The following SGCZ variants were observed in gnomAD, a reference collection of about 807,000 sequenced individuals.
SGCZ encodes the protein sarcoglycan zeta.
A neutral mutation model predicts 41.3 loss-of-function variants in SGCZ; 40 were observed. That is an observed-to-expected ratio of 0.97 (90% confidence interval 0.75 to 1.26). SGCZ has a LOEUF of 1.26. SGCZ is among the 50% of genes most tolerant of loss of function. The pLI is 0.00. For missense variants in SGCZ, 552 were observed against 369.8 expected (o/e 1.49, Z -4.04); for synonymous variants, 206 against 137.5 (o/e 1.50, Z -3.49).
chr8:14,611,548 C>T (rs1475632951), intron 1 of SGCZ, among the ~76,000 whole-genome samples: 1 of 152,054 alleles, frequency 6.6e-6, no homozygotes, highest in East Asian at 1.9e-4. Context: ...GAAGAGTCCT[C>T]CAGTAATTTA....
intron 1 of SGCZ, among the ~76,000 whole-genome samples, chr8:14,820,538 A>G (rs1457991838): frequency 2.0e-5 from 3 of 152,096 alleles, no homozygotes; most frequent in African/African-American, 7.2e-5. Context: ...GCTACAGAGC[A>G]CACATTCTTC....
intron 1 of SGCZ, among the ~76,000 whole-genome samples, chr8:14,670,205 G>A (rs185938186): frequency 4.7e-4 from 71 of 152,228 alleles, no homozygotes; most frequent in African/African-American, 1.7e-3. Flanking sequence ...GTAAGATTAT[G>A]TTTCCAAATA....
intron 1 of SGCZ, among the ~76,000 whole-genome samples, chr8:14,680,275 A>G (rs1254570167): frequency 2.6e-5 from 4 of 152,176 alleles, no homozygotes; most frequent in East Asian, 1.9e-4. Context: ...ATAATGGTGT[A>G]TACGTGTCAT....
intron 1 of SGCZ, among the ~76,000 whole-genome samples, chr8:14,953,640 C>G (rs772310394): frequency 7.1e-6 from 1 of 140,384 alleles, no homozygotes; most frequent in Admixed American, 7.1e-5. Context: ...GTTCATTTCA[C>G]CACTTACTCA....
intron 1 of SGCZ, among the ~76,000 whole-genome samples, chr8:14,683,645 A>G (rs923434947): frequency 5.3e-5 from 8 of 152,158 alleles, no homozygotes; most frequent in African/African-American, 1.9e-4. Flanking sequence ...TTCAACTTGG[A>G]AATTAATTTT....
intron 2 of SGCZ, among the ~76,000 whole-genome samples, chr8:14,470,138 G>C (rs1055266461): frequency 1.3e-5 from 2 of 152,052 alleles, no homozygotes; most frequent in Non-Finnish European, 2.9e-5. Flanking sequence ...GACAGCATCA[G>C]AACTGAATTA....
chr8:14,183,376 A>G (rs1256908093), intron 4 of SGCZ, among the ~76,000 whole-genome samples: 1 of 152,158 alleles, frequency 6.6e-6, no homozygotes, highest in Admixed American at 6.5e-5. Context: ...CAGAATAAAA[A>G]TGGGAAACAC....
intron 1 of SGCZ, among the ~76,000 whole-genome samples, chr8:15,029,800 A>C (rs1035115218): frequency 6.6e-6 from 1 of 152,150 alleles, no homozygotes; most frequent in Non-Finnish European, 1.5e-5. Context: ...AATCTATTTC[A>C]ACACAGCAAA....
Position 14,124,419 on chromosome 8 carries a change from T to G in SGCZ, c.548-16184A>C, listed in dbSNP as rs567401429. On this transcript the variant is annotated intron_variant, in intron 5 of 7. Transcript: ENST00000382080. ...AAGACCCCAAAGATGAAATTAGGAA[T>G]AAAATTTATTTTTATATACTCCAGC... is the stretch of plus-strand genomic sequence containing the variant. Among the ~76,000 whole-genome samples the G allele has an allele frequency of 2.0e-5, 3 of 152,302 alleles. No individual in the cohort carries two copies. The South Asian group carries it at 6.2e-4, about 32-fold the overall frequency.
intron 1 of SGCZ, among the ~76,000 whole-genome samples, chr8:14,797,588 C>G (rs1210273190): frequency 6.6e-6 from 1 of 152,200 alleles, no homozygotes; most frequent in Non-Finnish European, 1.5e-5. Context: ...AAACTATTTT[C>G]TGGGAGAGAA....
chr8:14,500,140 A>G (rs1276721523), intron 2 of SGCZ, among the ~76,000 whole-genome samples: 1 of 152,098 alleles, frequency 6.6e-6, no homozygotes, highest in Non-Finnish European at 1.5e-5. Flanking sequence ...GCTGGGTAAA[A>G]CTGCTTGAAT....
intron 1 of SGCZ, among the ~76,000 whole-genome samples, chr8:14,570,004 C>T (rs1335880087): frequency 2.0e-5 from 3 of 151,532 alleles, no homozygotes; most frequent in Admixed American, 1.3e-4. Context: ...AATAACATAG[C>T]AACCCTCCAT....
At chr8:14,269,121 TTTTA>T (rs1410118477) in intron 3 of SGCZ, among the ~76,000 whole-genome samples, 52 of 152,122 alleles carry the variant, frequency 3.4e-4, no homozygotes, top group African/African-American at 1.0e-3. Flanking sequence ...TCATAAATTT[TTTTA>T]TTTGTTTTCA....
At position 14,390,610 on chromosome 8, in the gene SGCZ, T is replaced by C. The variant is rs559852570; in HGVS notation, c.235-66406A>G. On this transcript the variant is annotated intron_variant, in intron 2 of 7. Coordinates refer to ENST00000382080, the MANE Select transcript of SGCZ (RefSeq NM_139167.4). Reference sequence around the variant, plus strand: ...TAGATCATGGTAAGCATTGAAACAGTATGGCATGTAGATTTTACTATATAC... The same window carrying C: ...TAGATCATGGTAAGCATTGAAACAGCATGGCATGTAGATTTTACTATATAC... Among the ~76,000 whole-genome samples the C allele has an allele frequency of 9.1e-4, 138 of 152,060 alleles. 2 individuals carry two copies. The highest frequency in any genetic ancestry group is 3.1e-3 in the African/African-American group (129 of 41,556).
In SGCZ at chr8:14,928,188, A is replaced by T. The variant is rs534908902; in HGVS notation, c.39+309397T>A. On this transcript the variant is annotated intron_variant, in intron 1 of 7. Coordinates refer to ENST00000382080, the MANE Select transcript of SGCZ (RefSeq NM_139167.4). Reference sequence around the variant, plus strand: ...CAGATTATCTCTGAGTAATAAGGAAATTAATGTCAATGACATCATTCAAGA... The same window carrying T: ...CAGATTATCTCTGAGTAATAAGGAATTTAATGTCAATGACATCATTCAAGA... 3.9e-5 allele frequency among the ~76,000 whole-genome samples: 6 copies of T among 152,346 alleles called. No individual in the cohort carries two copies. In the South Asian group the frequency reaches 1.2e-3, roughly 32 times the overall value.
chr8:14,528,952 C>T (rs1172909169), intron 2 of SGCZ, among the ~76,000 whole-genome samples: 1 of 151,624 alleles, frequency 6.6e-6, no homozygotes, highest in Non-Finnish European at 1.5e-5. Flanking sequence ...CCTAATTTTA[C>T]AGATGAATCA....
intron 3 of SGCZ, among the ~76,000 whole-genome samples, chr8:14,262,916 T>C (rs1338366983): frequency 6.6e-6 from 1 of 151,860 alleles, no homozygotes; most frequent in Non-Finnish European, 1.5e-5. Flanking sequence ...ACATCACAAC[T>C]AAGAAAACAA....
intron 1 of SGCZ, among the ~76,000 whole-genome samples, chr8:14,695,248 T>C (rs569012671): frequency 1.3e-5 from 2 of 152,292 alleles, no homozygotes; most frequent in South Asian, 4.1e-4. Context: ...TGTATAATTC[T>C]CTTATGAAAA....
chr8:14,246,281 T>C (rs1353988496), intron 3 of SGCZ, among the ~76,000 whole-genome samples: 4 of 152,000 alleles, frequency 2.6e-5, no homozygotes, highest in African/African-American at 4.8e-5. Context: ...AAATGATGAG[T>C]TCATGTCCTT....
Sources: gnomAD v4.1 joint callset for allele counts (sites outside exome capture counted in the v4.1 genomes callset) on GRCh38, gnomAD v4.1.1 for gene constraint, MANE v1.5 for transcripts, NCBI Gene and HGNC (gene_info 2026-07-23, HGNC 2026-07-21) for gene names.